Variants in ETV6 observed in about 807,000 individuals in gnomAD.
ETV6 encodes ETS variant transcription factor 6.
A neutral mutation model predicts 51.1 loss-of-function variants in ETV6; 16 were observed. That is an observed-to-expected ratio of 0.31 (90% confidence interval 0.21 to 0.48). ETV6 has a LOEUF of 0.48. ETV6 is among the 20% of genes least tolerant of loss of function. The pLI is 0.99. For missense variants in ETV6, 458 were observed against 594.8 expected (o/e 0.77, Z 2.39); for synonymous variants, 240 against 224.1 (o/e 1.07, Z -0.64).
At chr12:11,662,858 AGAG>A (rs1864125568) in intron 1 of ETV6, among the ~76,000 whole-genome samples, 1 of 152,200 alleles carries the variant, frequency 6.6e-6, no homozygotes, top group Non-Finnish European at 1.5e-5. Context: ...TCATATTATG[AGAG>A]TGCACTCCCT....
At chr12:11,766,587 C>T (rs945222113) in intron 2 of ETV6, among the ~76,000 whole-genome samples, 2 of 152,178 alleles carry the variant, frequency 1.3e-5, no homozygotes, top group Non-Finnish European at 1.5e-5. Context: ...CGAGAGCAGC[C>T]GGCAGCCAGG....
At chr12:11,842,573 G>A (rs1343715538) in intron 3 of ETV6, among the ~76,000 whole-genome samples, 3 of 152,164 alleles carry the variant, frequency 2.0e-5, no homozygotes, top group Non-Finnish European at 4.4e-5. Context: ...ATGGCTTCCA[G>A]GTGGCACTCA....
intron 1 of ETV6, among the ~76,000 whole-genome samples, chr12:11,746,109 G>C (rs531669325): frequency 2.6e-5 from 4 of 152,334 alleles, no homozygotes; most frequent in African/African-American, 9.6e-5. Context: ...GGCTTAGGCA[G>C]CTCTGTTGAG....
At chr12:11,774,412 A>G (rs1342553342) in intron 2 of ETV6, among the ~76,000 whole-genome samples, 1 of 152,196 alleles carries the variant, frequency 6.6e-6, no homozygotes, top group African/African-American at 2.4e-5. Context: ...AGAAAGTCAA[A>G]GGCTGGATGT....
chr12:11,854,520 G>T (rs1946603238), intron 4 of ETV6, among the ~76,000 whole-genome samples: 1 of 152,152 alleles, frequency 6.6e-6, no homozygotes, highest in African/African-American at 2.4e-5. Context: ...GCAATTAGAT[G>T]ACTTGGATTA....
At chr12:11,752,333 G>T (rs1866046407) in intron 1 of ETV6, 117 bp from the exon 2 acceptor site, 1 of 1,035,188 alleles carries the variant, frequency 9.7e-7, no homozygotes, top group African/African-American at 1.6e-5. Context: ...TTGGGAAGCT[G>T]GTACTGCCCA....
chr12:11,791,976 T>C (rs2710282), intron 2 of ETV6, among the ~76,000 whole-genome samples: 93,071 of 151,986 alleles, frequency 0.61, 28,455 homozygotes, highest in African/African-American at 0.64. Context: ...AGAACCCCGT[T>C]GGGAGGGTCG....
chr12:11,890,492 A>T (rs915964560), intron 7 of ETV6, among the ~76,000 whole-genome samples: 3 of 151,738 alleles, frequency 2.0e-5, no homozygotes, highest in African/African-American at 7.3e-5. Flanking sequence ...CAGTAGCATG[A>T]TCATAGCTGA....
rs1019255184 is a variant in ETV6, at chr12:11,657,127, A to G, written c.33+6967A>G. ...GAGTCTTCAGAGCAAATGTAGGGAAAGAAACAGAGAAAGAGAGAGATGTGT... is the reference window on the plus strand; with the variant it reads ...GAGTCTTCAGAGCAAATGTAGGGAAGGAAACAGAGAAAGAGAGAGATGTGT... On this transcript the variant is annotated intron_variant, in intron 1 of 7. Coordinates refer to ENST00000396373, the MANE Select transcript of ETV6 (RefSeq NM_001987.5). Among the ~76,000 whole-genome samples, 5 of 152,220 alleles carry G rather than the reference A, an allele frequency of 3.3e-5. 1 individual carries two copies. The highest frequency in any genetic ancestry group is 4.8e-5 in the African/African-American group (2 of 41,452).
At chr12:11,816,260 T>C (rs1279824610) in intron 2 of ETV6, among the ~76,000 whole-genome samples, 1 of 152,214 alleles carries the variant, frequency 6.6e-6, no homozygotes, top group Non-Finnish European at 1.5e-5. Context: ...TTGTTGTTGT[T>C]GTTTGAGACG....
Position 11,698,577 on chromosome 12 carries a change from C to T in ETV6, c.33+48417C>T, listed in dbSNP as rs888085443. The stretch of plus-strand genomic sequence containing the variant: ...TATGTGGGCCTCCCAACCTAGACAC[C>T]CACAACATGGCAGCCTGCTCCTTCA... On this transcript the variant is annotated intron_variant, in intron 1 of 7. Transcript: ENST00000396373. Among the ~76,000 whole-genome samples the T allele has an allele frequency of 2.0e-4, 28 of 141,644 alleles. No homozygotes were observed. In the East Asian group the frequency reaches 5.9e-3, roughly 30 times the overall value. 92.9% of individuals were successfully genotyped at this position (141,644 alleles called of 152,430 possible).
chr12:11,692,069 G>A (rs1332667714), intron 1 of ETV6, among the ~76,000 whole-genome samples: 1 of 152,134 alleles, frequency 6.6e-6, no homozygotes, highest in Non-Finnish European at 1.5e-5. Flanking sequence ...CTTAATCCCC[G>A]GTATGGCAGT....
intron 5 of ETV6, among the ~76,000 whole-genome samples, chr12:11,879,713 G>A (rs968864344): frequency 1.3e-5 from 2 of 152,146 alleles, no homozygotes; most frequent in Admixed American, 6.5e-5. Flanking sequence ...AAGCCCTTTC[G>A]TTTAAGAAAA....
chr12:11,880,206 C>T (rs943614285), intron 5 of ETV6, among the ~76,000 whole-genome samples: 7 of 152,130 alleles, frequency 4.6e-5, no homozygotes, highest in East Asian at 1.9e-4. Context: ...TTGCTGTCTC[C>T]GTTAGTGACT....
At chr12:11,785,295 G>C (rs11054456) in intron 2 of ETV6, among the ~76,000 whole-genome samples, 37,617 of 151,946 alleles carry the variant, frequency 0.25, 5,427 homozygotes, top group South Asian at 0.49. Context: ...TTGAACCACT[G>C]CGTCCCTCCT....
chr12:11,714,077 A>G (rs190752097), intron 1 of ETV6, among the ~76,000 whole-genome samples: 316 of 152,326 alleles, frequency 2.1e-3, no homozygotes, highest in African/African-American at 7.3e-3. Flanking sequence ...GCACTGCACT[A>G]GAATGCAGGG....
chr12:11,780,411 T>G (rs1945396263), intron 2 of ETV6, among the ~76,000 whole-genome samples: 1 of 152,186 alleles, frequency 6.6e-6, no homozygotes, highest in African/African-American at 2.4e-5. Flanking sequence ...AGTATACCAG[T>G]TCTTCCTTGC....
intron 7 of ETV6, 36 bp from the exon 8 acceptor site, chr12:11,890,905 T>C: frequency 1.3e-6 from 2 of 1,521,346 alleles, no homozygotes; most frequent in Non-Finnish European, 1.8e-6. Flanking sequence ...TTTAGGAAAA[T>C]GGAATCTCTT....
At chr12:11,817,015 A>G (rs1005732403) in intron 2 of ETV6, among the ~76,000 whole-genome samples, 1 of 152,158 alleles carries the variant, frequency 6.6e-6, no homozygotes, top group African/African-American at 2.4e-5. Context: ...AGCCCTTAGA[A>G]GCCTCTGGTG....
Sources: gnomAD v4.1 joint callset for allele counts (sites outside exome capture counted in the v4.1 genomes callset) on GRCh38, gnomAD v4.1.1 for gene constraint, MANE v1.5 for transcripts, NCBI Gene and HGNC (gene_info 2026-07-23, HGNC 2026-07-21) for gene names.